ATR: variants seen among roughly 807,000 people sequenced by gnomAD.
ATR encodes the protein serine/threonine-protein kinase ATR.
Under a neutral mutation model 305.3 loss-of-function variants are expected in ATR, and 142 were observed. The observed-to-expected ratio is 0.47, with a 90% CI of 0.41 to 0.53. The LOEUF (loss-of-function observed/expected upper bound fraction) is 0.53. ATR is among the 20% of genes least tolerant of loss of function. ATR has a pLI of 0.00. For synonymous variants in ATR, 1,050 were observed against 1,068.1 expected (o/e 0.98, Z 0.33); for missense variants, 2,135 against 3,133.1 (o/e 0.68, Z 7.60).
intron 41 of ATR, 138 bp from the exon 42 acceptor site, chr3:142,462,228 ATTC>A: frequency 1.2e-6 from 1 of 802,936 alleles, no homozygotes. Flanking sequence ...TACATGAATA[ATTC>A]TTCTGAATGG....
intron 32 of ATR, among the ~76,000 whole-genome samples, chr3:142,497,562 G>A (rs1029966660): frequency 6.1e-5 from 9 of 146,932 alleles, no homozygotes; most frequent in African/African-American, 2.1e-4. Flanking sequence ...GCAAGACCCC[G>A]TCCCTTAAAA....
intron 36 of ATR, among the ~76,000 whole-genome samples, chr3:142,478,536 T>C (rs1223154255): frequency 6.6e-6 from 1 of 152,100 alleles, no homozygotes; most frequent in Non-Finnish European, 1.5e-5. Flanking sequence ...GGAATAGGTG[T>C]GGTGTGGTGC....
rs761331237 is a variant in ATR, at chr3:142,497,098, C to A, written c.5653G>T (p.Ala1885Ser). 1 of 1,613,958 alleles carries A rather than the reference C, an allele frequency of 6.2e-7. No individual in the cohort carries two copies. Among genetic ancestry groups the A allele is most frequent in the Non-Finnish European group, 8.5e-7 (1 of 1,179,940 alleles). ...SSQEDSLNWV[A>S]RLEMTQNSYR... ...GAATTCTGGGTCATTTCTAGTCGAGCTACCCAGTTTAGAGAATCTTCTTGA... is the reference window on the plus strand; with the variant it reads ...GAATTCTGGGTCATTTCTAGTCGAGATACCCAGTTTAGAGAATCTTCTTGA... Residue 1885 changes from alanine to serine, a missense_variant, in exon 33 of 47, where the codon GCT becomes TCT. Physicochemically the swap from Ala to Ser is moderately conservative, Grantham distance 99 (BLOSUM62 1). This residue lies in a region of ATR where 117 missense variants were observed against 198.3 expected (regional missense o/e 0.59). Transcript: ENST00000350721.
At chr3:142,546,380 T>A (rs1419149303) in intron 16 of ATR, among the ~76,000 whole-genome samples, 1 of 152,194 alleles carries the variant, frequency 6.6e-6, no homozygotes, top group Non-Finnish European at 1.5e-5. Context: ...AACCTTGCCA[T>A]GTCACTAAAA....
rs1371082930 is a variant in ATR at position 142,528,875 on chromosome 3, A to T, written c.3946-4676T>A. Among the ~76,000 whole-genome samples the T allele has an allele frequency of 6.1e-3, 282 of 46,584 alleles. 1 individual carries two copies. Among genetic ancestry groups the T allele is most frequent in the African/African-American group, 0.011 (79 of 7,036 alleles). 30.6% of individuals were successfully genotyped at this position (46,584 alleles called of 152,430 possible). ...TTATCATATATATATATATATATAT[A>T]TATATTTTTTTTTTTTTTTTTTTTT... On this transcript the variant is annotated intron_variant, in intron 21 of 46. Coordinates refer to ENST00000350721, the MANE Select transcript of ATR (RefSeq NM_001184.4).
intron 16 of ATR, among the ~76,000 whole-genome samples, chr3:142,543,475 T>G (rs1490241308): frequency 6.8e-6 from 1 of 147,270 alleles, no homozygotes; most frequent in Non-Finnish European, 1.5e-5. Flanking sequence ...CCTCCTTCCC[T>G]TCCATTCCTC....
At chr3:142,503,782 C>G (rs1382698651) in intron 29 of ATR, among the ~76,000 whole-genome samples, 4 of 152,122 alleles carry the variant, frequency 2.6e-5, no homozygotes, top group Non-Finnish European at 2.9e-5. Context: ...AATGTCCTAA[C>G]ACATTTAAAG....
chr3:142,544,302 A>T (rs578080416), intron 16 of ATR, among the ~76,000 whole-genome samples: 4 of 151,650 alleles, frequency 2.6e-5, no homozygotes, highest in Non-Finnish European at 4.4e-5. Context: ...TACAAAAAAA[A>T]TTAGCCAAGC....
intron 46 of ATR, 120 bp downstream of exon 46, chr3:142,453,008 T>C (rs1234796389): frequency 9.7e-6 from 15 of 1,544,050 alleles, no homozygotes; most frequent in Non-Finnish European, 1.3e-5. Flanking sequence ...GAGTAATCAA[T>C]AGTCACTAAC....
At chr3:142,501,820 C>T (rs1040165706) in intron 30 of ATR, among the ~76,000 whole-genome samples, 2 of 152,200 alleles carry the variant, frequency 1.3e-5, no homozygotes, top group African/African-American at 4.8e-5. Context: ...TCTCAGCTCA[C>T]TGCAACCTCC....
At chr3:142,540,724 G>GTTTTAA (rs2034020048) in intron 18 of ATR, among the ~76,000 whole-genome samples, 180 bp downstream of exon 18, 1 of 152,006 alleles carries the variant, frequency 6.6e-6, no homozygotes, top group Non-Finnish European at 1.5e-5. Context: ...TATGTTAAAA[G>GTTTTAA]ACTTCCATAG....
At position 142,556,439 on chromosome 3, in the gene ATR, T is replaced by C. The variant is rs587776690; in HGVS notation, c.2022A>G (p.Gly674=). 2 of 1,614,052 alleles carry C rather than the reference T, an allele frequency of 1.2e-6. No individual in the cohort carries two copies. The highest frequency in any genetic ancestry group is 2.2e-5 in the South Asian group (2 of 91,076). The part of the protein sequence containing the change: ...HEVIRASCVS[G]FFILLQQQNS... Reference sequence around the variant, plus strand: ...TCTGCTGCTGCAATAAGATAAAAAATCCACTAACACAACTAGCCCGGATTA... The same window carrying C: ...TCTGCTGCTGCAATAAGATAAAAAACCCACTAACACAACTAGCCCGGATTA... Residue 674 remains glycine, a synonymous_variant, in exon 9 of 47, where the codon GGA becomes GGG. Transcript: ENST00000350721.
chr3:142,510,393 A>G (rs1177734350), intron 27 of ATR, among the ~76,000 whole-genome samples: 1 of 152,104 alleles, frequency 6.6e-6, no homozygotes, highest in Non-Finnish European at 1.5e-5. Flanking sequence ...CAGGAGGTGG[A>G]AGCTGCAGTG....
chr3:142,569,795 C>T (rs1335424819), intron 1 of ATR, among the ~76,000 whole-genome samples: 2 of 151,958 alleles, frequency 1.3e-5, no homozygotes, highest in Non-Finnish European at 2.9e-5. Flanking sequence ...TACAGGCATG[C>T]ACCACCATGC....
chr3:142,516,793 C>G (rs2032879960), intron 24 of ATR, among the ~76,000 whole-genome samples: 1 of 152,082 alleles, frequency 6.6e-6, no homozygotes, highest in Admixed American at 6.6e-5. Context: ...ACTATCACTT[C>G]TCTCTCACAT....
intron 35 of ATR, 51 bp from the exon 36 acceptor site, chr3:142,485,333 G>A (rs2108312062): frequency 6.3e-7 from 1 of 1,599,500 alleles, no homozygotes; most frequent in Non-Finnish European, 8.5e-7. Context: ...ACGCTATGCT[G>A]GGAAGTAAAA....
intron 33 of ATR, among the ~76,000 whole-genome samples, 166 bp from the exon 34 acceptor site, chr3:142,496,686 A>T (rs2031665064): frequency 6.6e-6 from 1 of 152,108 alleles, no homozygotes; most frequent in South Asian, 2.1e-4. Flanking sequence ...TTTCAAAGGA[A>T]TTAATTATTA....
chr3:142,523,375 G>A lies in ATR; in HGVS notation c.4153-534C>T, dbSNP rs188018893. Among the ~76,000 whole-genome samples the A allele has an allele frequency of 4.1e-4, 62 of 152,012 alleles. No individual in the cohort carries two copies. In the Middle Eastern group the frequency reaches 0.017, roughly 42 times the overall value. On this transcript the variant is annotated intron_variant, in intron 22 of 46. Coordinates refer to ENST00000350721, the MANE Select transcript of ATR (RefSeq NM_001184.4). The stretch of plus-strand genomic sequence containing the variant: ...GCAGAGGTTGCAGTAAGCCAAGATC[G>A]CACCACTGCACTCCAGCCTGGGTGA...
At chr3:142,489,143 C>T (rs915898244) in intron 35 of ATR, among the ~76,000 whole-genome samples, 8 of 151,870 alleles carry the variant, frequency 5.3e-5, no homozygotes, top group Admixed American at 4.6e-4. Context: ...TTGAGACCAG[C>T]CTTGGCAGAA....
Sources: gnomAD v4.1 joint callset for allele counts (sites outside exome capture counted in the v4.1 genomes callset) on GRCh38, gnomAD v4.1.1 for gene constraint, gnomAD v4.1.1 regional missense constraint, MANE v1.5 for transcripts, NCBI Gene and HGNC (gene_info 2026-07-23, HGNC 2026-07-21) for gene names.